IGSF9B: variants seen among roughly 807,000 people sequenced by gnomAD.
The protein encoded by IGSF9B is immunoglobulin superfamily member 9B.
IGSF9B carries 48 observed loss-of-function variants against 143.7 expected under a neutral mutation model. The observed-to-expected ratio is 0.33, with a 90% confidence interval of 0.26 to 0.42. The LOEUF is 0.42. Among genes scored for constraint, IGSF9B ranks in the 20% least tolerant of loss-of-function variants. The pLI is 1.00. For missense variants in IGSF9B, 1,706 were observed against 1,980.0 expected, an observed-to-expected ratio of 0.86 and a Z score of 2.63; for synonymous variants, 903 against 833.1, an observed-to-expected ratio of 1.08 and a Z score of -1.44.
In IGSF9B at chr11:133,935,731, C is replaced by A; in HGVS notation, c.853G>T (p.Asp285Tyr). 6.2e-7 allele frequency: 1 copy of A among 1,611,876 alleles called. No individual in the cohort carries two copies. Among genetic ancestry groups the A allele is most frequent in the Non-Finnish European group, 8.5e-7 (1 of 1,179,246 alleles). The change falls in exon 7 of 20, where the codon GAT becomes TAT. Residue 285 changes from aspartate to tyrosine, a missense_variant. Physicochemically the swap from Asp to Tyr is radical, Grantham distance 160 (BLOSUM62 -3). Coordinates refer to ENST00000533871, the MANE Select transcript of IGSF9B (RefSeq NM_001277285.4). ...ACCCGGAAGATGATCAGGGTCCCAT[C>A]GATTAGGATGCGCACCCTCAGCTTC... is the stretch of plus-strand genomic sequence containing the variant. ...DLKLRVRILI[D>Y]GTLIIFRVKP...
At chr11:133,932,434 C>A (rs989034134) in intron 7 of IGSF9B, among the ~76,000 whole-genome samples, 2 of 136,696 alleles carry the variant, frequency 1.5e-5, no homozygotes, top group African/African-American at 5.7e-5. Context: ...CAGACAGATA[C>A]AGGGACAGAC....
rs1347832334 is a variant in IGSF9B at position 133,928,909 on chromosome 11, C to G, written c.1631+762G>C. ...TAGAGAGAAAATGCAGGGGCTGACCCCAAGGCTGGGAAGTGAGCATCACCT... is the reference window on the plus strand; with the variant it reads ...TAGAGAGAAAATGCAGGGGCTGACCGCAAGGCTGGGAAGTGAGCATCACCT... On this transcript the variant is annotated intron_variant, in intron 12 of 19. Transcript: ENST00000533871. This position sits in a 1 kb window ranked among gnomAD's most constrained non-coding sequence, Gnocchi z 4.7. Among the ~76,000 whole-genome samples, 1 of 152,142 alleles carries G rather than the reference C, an allele frequency of 6.6e-6. No homozygotes were observed. Among genetic ancestry groups the G allele is most frequent in the Non-Finnish European group, 1.5e-5 (1 of 68,012 alleles).
At chr11:133,952,159 G>A (rs1940172494) in intron 1 of IGSF9B, 2 of 420,194 alleles carry the variant, frequency 4.8e-6, no homozygotes, top group Admixed American at 2.5e-5. Context: ...TCACGCAAGA[G>A]AGAACAGAAA....
intron 1 of IGSF9B, among the ~76,000 whole-genome samples, chr11:133,955,781 T>A (rs1200892080): frequency 6.6e-6 from 1 of 152,182 alleles, no homozygotes; most frequent in Non-Finnish European, 1.5e-5. Flanking sequence ...CACGCACGCA[T>A]CACCCAACTC....
chr11:133,916,363 C>T (rs545142441), intron 18 of IGSF9B, among the ~76,000 whole-genome samples: 25 of 152,298 alleles, frequency 1.6e-4, no homozygotes, highest in African/African-American at 5.5e-4. Context: ...ACAGTGAGAA[C>T]GCACGTGGAC....
In IGSF9B at chr11:133,922,678, C is replaced by A; in HGVS notation, c.2172G>T (p.Leu724=). 6.3e-7 allele frequency: 1 copy of A among 1,591,514 alleles called. No individual in the cohort carries two copies. The highest frequency in any genetic ancestry group is 8.5e-7 in the Non-Finnish European group (1 of 1,169,712). Residue 724 remains leucine (L), a synonymous_variant, in exon 16 of 20, where the codon CTG becomes CTT. Transcript: ENST00000533871. ...AGCAGATGGTAGCTACGATTCCCGC[C>A]AGCACAGGCCGCGCCAGCCCATCCT... ...LTEDGLARPV[L]AGIVATICFL... is the part of the protein sequence containing the mutation.
At chr11:133,936,866 C>T (rs530680221) in intron 5 of IGSF9B, among the ~76,000 whole-genome samples, 7 of 152,346 alleles carry the variant, frequency 4.6e-5, no homozygotes, top group Admixed American at 4.6e-4. Flanking sequence ...CCATCCTGCA[C>T]AGTTCCTGGC....
chr11:133,935,251 C>T (rs1939801747), intron 7 of IGSF9B, among the ~76,000 whole-genome samples: 1 of 152,212 alleles, frequency 6.6e-6, no homozygotes, highest in South Asian at 2.1e-4. Flanking sequence ...CTCCATAAGA[C>T]ACCTGAGAAA....
At chr11:133,911,422 T>G (rs971015370) in intron 19 of IGSF9B, among the ~76,000 whole-genome samples, 2 of 152,186 alleles carry the variant, frequency 1.3e-5, no homozygotes, top group Admixed American at 1.3e-4. Flanking sequence ...CTTTGTTCAC[T>G]AGAAGGCCTG....
chr11:133,909,033 C>G lies in IGSF9B; in HGVS notation c.*36G>C. 1 of 1,518,564 alleles carries G rather than the reference C, an allele frequency of 6.6e-7. No homozygotes were observed. Among genetic ancestry groups the G allele is most frequent in the Non-Finnish European group, 8.8e-7 (1 of 1,132,382 alleles). The allele number at this position is 1,518,564 out of a possible 1,614,324, so 94.1% of individuals were successfully genotyped here. Reference sequence around the variant, plus strand: ...AGTGGCCCTCCCTGCCTGAGCCCAGCAACCTCGCCCCGGGGACACCTAGAG... The same window carrying G: ...AGTGGCCCTCCCTGCCTGAGCCCAGGAACCTCGCCCCGGGGACACCTAGAG... On this transcript the variant is annotated 3_prime_UTR_variant, in exon 20 of 20. Transcript: ENST00000533871. This position sits in a 1 kb window ranked among gnomAD's most constrained non-coding sequence, Gnocchi z 4.2.
rs1565422936 is a variant in IGSF9B at position 133,920,269 on chromosome 11, C to T, written c.3456G>A (p.Pro1152=). 1 of 1,520,230 alleles carries T rather than the reference C, an allele frequency of 6.6e-7. No homozygotes were observed. The highest frequency in any genetic ancestry group is 2.3e-5 in the East Asian group (1 of 43,858). The allele number at this position is 1,520,230 out of a possible 1,614,324, so 94.2% of individuals were successfully genotyped here. ...GGCCGCCGTGCGCCCCCGGCTCAGC[C>T]GGCTCGGGGTAAGGCAGCACAGGTA... is the stretch of plus-strand genomic sequence containing the variant. ...MGIPVLPYPE[P]AEPGAHGGPS... Residue 1152 remains proline, a synonymous_variant, in exon 18 of 20, where the codon CCG becomes CCA. Transcript: ENST00000533871.
rs748790434 is a variant in IGSF9B, at chr11:133,902,042, C to CCA, written c.*7025_*7026dup. 1.5e-5 allele frequency among the ~76,000 whole-genome samples: 2 copies of CCA among 137,364 alleles called. No individual in the cohort carries two copies. Among genetic ancestry groups the CCA allele is most frequent in the African/African-American group, 6.0e-5 (2 of 33,572 alleles). The allele number at this position is 137,364 out of a possible 152,430, so 90.1% of individuals were successfully genotyped here. A position where few individuals can be genotyped will look rare whatever the true frequency, so the allele number is the denominator to read the frequency against. ...ACACACACCATACCACACACCACACCCACACACAATACACACATACCACAC... is the reference window on the plus strand; with the variant it reads ...ACACACACCATACCACACACCACACCCACACACACAATACACACATACCACAC... On this transcript the variant is annotated 3_prime_UTR_variant, in exon 20 of 20. Transcript: ENST00000533871.
At chr11:133,926,854 T>A in intron 13 of IGSF9B, 62 bp downstream of exon 13, 1 of 1,429,916 alleles carries the variant, frequency 7.0e-7, no homozygotes, top group Non-Finnish European at 9.5e-7. Context: ...TATAGCTGCC[T>A]GGGCCACCGC....
In IGSF9B at chr11:133,936,633, AG is replaced by A. The variant is rs1939828936; in HGVS notation, c.680-440del. On this transcript the variant is annotated intron_variant, in intron 5 of 19. Coordinates refer to ENST00000533871, the MANE Select transcript of IGSF9B (RefSeq NM_001277285.4). ...GTCCTGGTGCTGGCTGCACAGACAA[AG>A]GGGGCAGCTGCGGCCAAGTCTCCCC... Among the ~76,000 whole-genome samples, 3 of 152,232 alleles carry A rather than the reference AG, an allele frequency of 2.0e-5. No homozygotes were observed. In the South Asian group the frequency reaches 6.2e-4, roughly 32 times the overall value.
rs1353135417 is a variant in IGSF9B at position 133,925,959 on chromosome 11, G to C, written c.1814C>G (p.Pro605Arg). The part of the protein sequence containing the change: ...EVVTVNTLAF[P>R]ITTPEPLVLV... ...CACCAGGGGTTCTGGAGTTGTAATA[G>C]GGAATGCTGCGGCGGGGGAAGGAGA... is the stretch of plus-strand genomic sequence containing the variant. The change falls in exon 14 of 20, where the codon CCT becomes CGT. Residue 605 changes from proline to arginine, a missense_variant. Pro to Arg is a moderately radical substitution (Grantham distance 103). This residue lies in a region of IGSF9B where 267 missense variants were observed against 321.1 expected (regional missense o/e 0.83). Coordinates refer to ENST00000533871, the MANE Select transcript of IGSF9B (RefSeq NM_001277285.4). The C allele has an allele frequency of 6.3e-7, 1 of 1,597,832 alleles. No individual in the cohort carries two copies. Among genetic ancestry groups the C allele is most frequent in the Admixed American group, 1.7e-5 (1 of 57,518 alleles).
At position 133,905,570 on chromosome 11, in the gene IGSF9B, C is replaced by T. The variant is rs1255431367; in HGVS notation, c.*3499G>A. 6.6e-6 allele frequency among the ~76,000 whole-genome samples: 1 copy of T among 152,218 alleles called. No homozygotes were observed. Among genetic ancestry groups the T allele is most frequent in the Non-Finnish European group, 1.5e-5 (1 of 68,046 alleles). On this transcript the variant is annotated 3_prime_UTR_variant, in exon 20 of 20. Coordinates refer to ENST00000533871, the MANE Select transcript of IGSF9B (RefSeq NM_001277285.4). The surrounding 1 kb of genome is among the most constrained non-coding windows in gnomAD (Gnocchi z 4.0). ...GCATGGAAAAATAACAAGAAATACT[C>T]GGCTCAATCCACCCGGCTTCAGTCT... is the stretch of plus-strand genomic sequence containing the variant.
In IGSF9B at chr11:133,901,881, C is replaced by G. The variant is rs1351112847; in HGVS notation, c.*7188G>C. Among the ~76,000 whole-genome samples the G allele has an allele frequency of 6.9e-6, 1 of 145,346 alleles. No individual in the cohort carries two copies. The highest frequency in any genetic ancestry group is 1.5e-5 in the Non-Finnish European group (1 of 66,172). ...ACACACGCACCACACACGCACCACA[C>G]ACACACACAACACACACACAACACA... On this transcript the variant is annotated 3_prime_UTR_variant, in exon 20 of 20. Coordinates refer to ENST00000533871, the MANE Select transcript of IGSF9B (RefSeq NM_001277285.4).
chr11:133,919,822 A>C lies in IGSF9B; in HGVS notation c.3903T>G (p.Phe1301Leu). The C allele has an allele frequency of 1.9e-6, 3 of 1,557,282 alleles. No homozygotes were observed. The highest frequency in any genetic ancestry group is 2.4e-5 in the South Asian group (2 of 83,000). The change falls in exon 18 of 20, where the codon TTT becomes TTG. Residue 1301 changes from phenylalanine (F) to leucine (L), a missense_variant. Phe to Leu is a conservative substitution (Grantham distance 22). Coordinates refer to ENST00000533871, the MANE Select transcript of IGSF9B (RefSeq NM_001277285.4). ...TCCTTCGAGGGGAAGGCGTCTGTCC[A>C]AACACGTCCAAGCTGTCCCCAGGCC... ...PAGPGDSLDV[F>L]GQTPSPRRTG...
intron 14 of IGSF9B, among the ~76,000 whole-genome samples, chr11:133,925,107 G>A (rs1323875248): frequency 1.3e-5 from 2 of 152,182 alleles, no homozygotes; most frequent in African/African-American, 4.8e-5. Context: ...TTCAAGCTAC[G>A]AACGTGAGGT....
Sources: gnomAD v4.1 joint callset for allele counts (sites outside exome capture counted in the v4.1 genomes callset) on GRCh38, gnomAD v4.1.1 for gene constraint, gnomAD v4.1.1 regional missense constraint, Gnocchi (gnomAD v3.1) non-coding constraint, MANE v1.5 for transcripts, NCBI Gene and HGNC (gene_info 2026-07-23, HGNC 2026-07-21) for gene names.